Variants in SCARB1 observed in about 807,000 individuals in gnomAD.
SCARB1 encodes the protein scavenger receptor class B member 1.
In SCARB1, 30 loss-of-function variants were observed where a neutral mutation model predicts 57.2. The observed-to-expected ratio is 0.52, with a 90% CI of 0.39 to 0.71. The LOEUF (loss-of-function observed/expected upper bound fraction) is 0.71, where lower values mean the gene tolerates loss of function less well. Ranked by LOEUF, SCARB1 falls within the 30% of genes least tolerant of loss-of-function variation. SCARB1 has a pLI of 0.00. For missense variants in SCARB1, 543 were observed against 671.2 expected (o/e 0.81, Z 2.11); for synonymous variants, 249 against 268.3 (o/e 0.93, Z 0.70).
chr12:124,791,032 G>T (rs1320479945), intron 9 of SCARB1, among the ~76,000 whole-genome samples: 2 of 152,208 alleles, frequency 1.3e-5, no homozygotes, highest in Non-Finnish European at 2.9e-5. Flanking sequence ...TACCTGCCAG[G>T]CAGAGGGTGG....
intron 1 of SCARB1, among the ~76,000 whole-genome samples, chr12:124,829,406 G>A (rs1270106460): frequency 6.6e-6 from 1 of 152,112 alleles, no homozygotes; most frequent in Non-Finnish European, 1.5e-5. Context: ...ATTAAAGTCA[G>A]AGCATGTCAT....
intron 1 of SCARB1, among the ~76,000 whole-genome samples, chr12:124,858,184 C>T (rs1373973901): frequency 1.3e-5 from 2 of 152,242 alleles, no homozygotes; most frequent in African/African-American, 2.4e-5. Flanking sequence ...CACGCACACA[C>T]ATACACTAGC....
chr12:124,804,391 C>T (rs1950253406), intron 7 of SCARB1, among the ~76,000 whole-genome samples: 1 of 152,238 alleles, frequency 6.6e-6, no homozygotes, highest in Admixed American at 6.5e-5. Flanking sequence ...GCAGAGGCAG[C>T]TTCCAGACAA....
Position 124,810,132 on chromosome 12 carries a change from G to A in SCARB1, c.842+42C>T, listed in dbSNP as rs1950469098. On this transcript the variant is annotated intron_variant, in intron 6 of 12. Coordinates refer to ENST00000261693, the MANE Select transcript of SCARB1 (RefSeq NM_005505.5). This position sits in a 1 kb window ranked among gnomAD's most constrained non-coding sequence, Gnocchi z 4.0. ...CCAACACCACAGAATTTGGCCATGA[G>A]CTACCCAGGAAACCCAGGAGGCCCC... The A allele has an allele frequency of 7.3e-7, 1 of 1,364,764 alleles. No homozygotes were observed. The highest frequency in any genetic ancestry group is 1.4e-5 in the African/African-American group (1 of 70,076). 84.5% of individuals were successfully genotyped at this position (1,364,764 alleles called of 1,614,324 possible).
At chr12:124,834,677 A>C (rs1433280526) in intron 1 of SCARB1, among the ~76,000 whole-genome samples, 1 of 152,180 alleles carries the variant, frequency 6.6e-6, no homozygotes, top group Non-Finnish European at 1.5e-5. Context: ...GAAGGCAAAG[A>C]TAGGAGGATC....
At chr12:124,821,283 C>T in intron 1 of SCARB1, 1 of 610,070 alleles carries the variant, frequency 1.6e-6, no homozygotes, top group Non-Finnish European at 2.1e-6. Context: ...CACACACACA[C>T]ACGCAGCCTC....
In SCARB1 at chr12:124,789,224, G is replaced by T. The variant is rs953842225; in HGVS notation, c.1203-1767C>A. Reference sequence around the variant, plus strand: ...ATGTACCCAAGATGCTCTGAAACTGGAACTTTCTCTCTGCGGTCCTCCTCC... The same window carrying T: ...ATGTACCCAAGATGCTCTGAAACTGTAACTTTCTCTCTGCGGTCCTCCTCC... On this transcript the variant is annotated intron_variant, in intron 9 of 12. Coordinates refer to ENST00000261693, the MANE Select transcript of SCARB1 (RefSeq NM_005505.5). This position sits in a 1 kb window ranked among gnomAD's most constrained non-coding sequence, Gnocchi z 4.4. 1.3e-5 allele frequency among the ~76,000 whole-genome samples: 2 copies of T among 152,102 alleles called. No individual in the cohort carries two copies. The highest frequency in any genetic ancestry group is 2.9e-5 in the Non-Finnish European group (2 of 68,028).
At chr12:124,836,311 C>A (rs1951645939) in intron 1 of SCARB1, among the ~76,000 whole-genome samples, 1 of 152,176 alleles carries the variant, frequency 6.6e-6, no homozygotes, top group African/African-American at 2.4e-5. Flanking sequence ...CCTCGGAGAG[C>A]CACTGGGCAA....
Position 124,807,693 on chromosome 12 carries a change from C to A in SCARB1, c.1009+68G>T. On this transcript the variant is annotated intron_variant, in intron 7 of 12. Coordinates refer to ENST00000261693, the MANE Select transcript of SCARB1 (RefSeq NM_005505.5). This position sits in a 1 kb window ranked among gnomAD's most constrained non-coding sequence, Gnocchi z 5.3. Reference sequence around the variant, plus strand: ...CAGAGATTAAGCAGACAGCACTGGGCAGATAAACCCTCAGCTGGCCCCACC... The same window carrying A: ...CAGAGATTAAGCAGACAGCACTGGGAAGATAAACCCTCAGCTGGCCCCACC... 2 of 1,471,568 alleles carry A rather than the reference C, an allele frequency of 1.4e-6. No homozygotes were observed. Among genetic ancestry groups the A allele is most frequent in the Non-Finnish European group, 1.9e-6 (2 of 1,055,876 alleles). The allele number at this position is 1,471,568 out of a possible 1,614,324, so 91.2% of individuals were successfully genotyped here. A position where few individuals can be genotyped will look rare whatever the true frequency, so the allele number is the denominator to read the frequency against.
intron 1 of SCARB1, among the ~76,000 whole-genome samples, chr12:124,827,983 C>A (rs1951232555): frequency 6.6e-6 from 1 of 152,094 alleles, no homozygotes; most frequent in South Asian, 2.1e-4. Flanking sequence ...GCTCTTGGCA[C>A]CTTGCAGGAG....
At chr12:124,825,255 C>T (rs868469824) in intron 1 of SCARB1, among the ~76,000 whole-genome samples, 30 of 151,512 alleles carry the variant, frequency 2.0e-4, no homozygotes, top group African/African-American at 4.8e-4. Context: ...AAAGCTGATC[C>T]CCACCCACCC....
chr12:124,852,094 C>T (rs1327174163), intron 1 of SCARB1, among the ~76,000 whole-genome samples: 1 of 152,122 alleles, frequency 6.6e-6, no homozygotes, highest in Non-Finnish European at 1.5e-5. Context: ...GCCCCAGAAA[C>T]AGCCTCCACG....
At chr12:124,816,491 T>A (rs187492386) in intron 2 of SCARB1, among the ~76,000 whole-genome samples, 7 of 152,244 alleles carry the variant, frequency 4.6e-5, no homozygotes, top group Admixed American at 1.3e-4. Context: ...GTGAACGGAA[T>A]GCAGCAGCTG....
At chr12:124,853,966 G>A (rs1016980162) in intron 1 of SCARB1, among the ~76,000 whole-genome samples, 8 of 152,188 alleles carry the variant, frequency 5.3e-5, no homozygotes, top group African/African-American at 1.9e-4. Flanking sequence ...GAGAACCTGC[G>A]ATTATGTGCT....
At chr12:124,837,329 A>G (rs1287646669) in intron 1 of SCARB1, among the ~76,000 whole-genome samples, 1 of 152,042 alleles carries the variant, frequency 6.6e-6, no homozygotes. Context: ...TCAACAAGCT[A>G]CAGCCTGTGG....
chr12:124,852,086 C>A (rs975187419), intron 1 of SCARB1, among the ~76,000 whole-genome samples: 1 of 152,058 alleles, frequency 6.6e-6, no homozygotes, highest in Non-Finnish European at 1.5e-5. Flanking sequence ...AGGAGGTGGC[C>A]CCAGAAACAG....
intron 1 of SCARB1, among the ~76,000 whole-genome samples, chr12:124,852,869 C>T (rs1952475361): frequency 6.6e-6 from 1 of 152,168 alleles, no homozygotes; most frequent in Admixed American, 6.5e-5. Flanking sequence ...GGTGAGACCC[C>T]ATCTCTACTA....
intron 9 of SCARB1, among the ~76,000 whole-genome samples, chr12:124,790,834 C>G (rs2135558238): frequency 6.6e-6 from 1 of 152,350 alleles, no homozygotes; most frequent in Non-Finnish European, 1.5e-5. Context: ...CGTGGCAGGC[C>G]CGAGCCCTTC....
chr12:124,793,975 A>G (rs1369450935), intron 9 of SCARB1, among the ~76,000 whole-genome samples: 1 of 152,228 alleles, frequency 6.6e-6, no homozygotes, highest in Non-Finnish European at 1.5e-5. Flanking sequence ...CAGCCATAAA[A>G]TATACTGATC....
Sources: gnomAD v4.1 joint callset for allele counts (sites outside exome capture counted in the v4.1 genomes callset) on GRCh38, gnomAD v4.1.1 for gene constraint, Gnocchi (gnomAD v3.1) non-coding constraint, MANE v1.5 for transcripts, NCBI Gene and HGNC (gene_info 2026-07-23, HGNC 2026-07-21) for gene names.